ZNF654: variants seen among roughly 807,000 people sequenced by gnomAD.
ZNF654 encodes zinc finger protein 654.
ZNF654 carries 19 observed loss-of-function variants against 95.3 expected under a neutral mutation model. The ratio of observed to expected loss-of-function variants is 0.20; its 90% CI spans 0.14 to 0.29. The LOEUF (loss-of-function observed/expected upper bound fraction) is 0.29, where lower values mean the gene tolerates loss of function less well. ZNF654 is among the 10% of genes least tolerant of loss of function. The pLI, the probability that ZNF654 is intolerant of heterozygous loss-of-function variation, is 1.00. For missense variants in ZNF654, 1,046 were observed against 1,341.0 expected (o/e 0.78, Z 3.44); for synonymous variants, 413 against 457.9 (o/e 0.90, Z 1.25).
rs533925979 is a variant in ZNF654 at position 88,100,258 on chromosome 3, C to G, written c.333-12857C>G. ...CACTGGCTATCAGAGAAATGCAAAT[C>G]AAAACCACAATGAGATACCATCTCA... On this transcript the variant is annotated intron_variant, in intron 2 of 8. Coordinates refer to ENST00000636215, the MANE Select transcript of ZNF654 (RefSeq NM_001350134.2). Among the ~76,000 whole-genome samples the G allele has an allele frequency of 3.9e-5, 6 of 152,258 alleles. No homozygotes were observed. In the South Asian group the frequency reaches 1.0e-3, roughly 26 times the overall value.
intron 3 of ZNF654, among the ~76,000 whole-genome samples, chr3:88,123,126 G>C (rs1705880630): frequency 6.6e-6 from 1 of 152,032 alleles, no homozygotes; most frequent in Admixed American, 6.6e-5. Flanking sequence ...TTCACTTCGA[G>C]GTTTTAAATT....
chr3:88,065,807 A>G (rs1430234021), intron 1 of ZNF654, among the ~76,000 whole-genome samples: 1 of 151,972 alleles, frequency 6.6e-6, no homozygotes, highest in African/African-American at 2.4e-5. Flanking sequence ...GCTCACTGCA[A>G]CCTCCCTGTC....
chr3:88,096,762 G>A (rs4434168), intron 2 of ZNF654, among the ~76,000 whole-genome samples: 118,948 of 151,924 alleles, frequency 0.78, 47,467 homozygotes, highest in South Asian at 0.91. Context: ...TTCGAAAAGT[G>A]TGGCGTATAC....
chr3:88,115,244 C>G (rs780893029), intron 3 of ZNF654, among the ~76,000 whole-genome samples: 4 of 152,052 alleles, frequency 2.6e-5, no homozygotes, highest in Non-Finnish European at 5.9e-5. Flanking sequence ...CTTTGAATAC[C>G]AAGGTATTCT....
At chr3:88,105,293 T>C (rs1283351820) in intron 2 of ZNF654, among the ~76,000 whole-genome samples, 1 of 152,202 alleles carries the variant, frequency 6.6e-6, no homozygotes, top group East Asian at 1.9e-4. Context: ...CTGCTTTTTT[T>C]TACTTAGTAT....
chr3:88,085,341 G>A (rs1708285442), intron 1 of ZNF654, among the ~76,000 whole-genome samples: 1 of 152,162 alleles, frequency 6.6e-6, no homozygotes, highest in Admixed American at 6.5e-5. Flanking sequence ...TACATAAATG[G>A]ATGAACCTGG....
At chr3:88,129,594 T>A in intron 5 of ZNF654, 93 bp from the exon 6 acceptor site, 1 of 1,022,318 alleles carries the variant, frequency 9.8e-7, no homozygotes, top group Admixed American at 3.0e-5. Context: ...ACTAGAAATC[T>A]AAGCAATTTC....
At chr3:88,109,595 A>G (rs1465006905) in intron 2 of ZNF654, among the ~76,000 whole-genome samples, 1 of 152,136 alleles carries the variant, frequency 6.6e-6, no homozygotes, top group South Asian at 2.1e-4. Context: ...ACAGAAATCC[A>G]AAAAAGAGTA....
At chr3:88,066,523 G>A (rs1707207061) in intron 1 of ZNF654, among the ~76,000 whole-genome samples, 1 of 151,930 alleles carries the variant, frequency 6.6e-6, no homozygotes, top group Non-Finnish European at 1.5e-5. Context: ...GCAGTCAGCT[G>A]AGATCTCCAG....
At position 88,097,689 on chromosome 3, in the gene ZNF654, C is replaced by T. The variant is rs1384522981; in HGVS notation, c.332+11287C>T. 4.6e-5 allele frequency among the ~76,000 whole-genome samples: 7 copies of T among 152,204 alleles called. No individual in the cohort carries two copies. The East Asian group carries it at 7.7e-4, about 17-fold the overall frequency. ...CAGGATTAAGAAACTCACTCAAAAC[C>T]GCTCAACTACATGGGAACTGAACAA... On this transcript the variant is annotated intron_variant, in intron 2 of 8. Coordinates refer to ENST00000636215, the MANE Select transcript of ZNF654 (RefSeq NM_001350134.2).
chr3:88,092,029 A>G (rs1703771417), intron 2 of ZNF654, among the ~76,000 whole-genome samples: 2 of 152,240 alleles, frequency 1.3e-5, no homozygotes, highest in Admixed American at 1.3e-4. Context: ...TGTAAGGCAA[A>G]AGAAATATGT....
At chr3:88,073,080 A>G (rs1460108553) in intron 1 of ZNF654, among the ~76,000 whole-genome samples, 2 of 152,210 alleles carry the variant, frequency 1.3e-5, no homozygotes, top group African/African-American at 4.8e-5. Flanking sequence ...CACATTTATG[A>G]ATGGCAGTAG....
chr3:88,093,560 A>C (rs1386369966), intron 2 of ZNF654, among the ~76,000 whole-genome samples: 1 of 152,200 alleles, frequency 6.6e-6, no homozygotes, highest in Admixed American at 6.6e-5. Flanking sequence ...AAGAGAAAAG[A>C]CCAAAGGGTC....
At position 88,139,983 on chromosome 3, in the gene ZNF654, C is replaced by T; in HGVS notation, c.2314C>T (p.Pro772Ser). 2.5e-6 allele frequency: 4 copies of T among 1,613,694 alleles called. No homozygotes were observed. Among genetic ancestry groups the T allele is most frequent in the Non-Finnish European group, 3.4e-6 (4 of 1,179,772 alleles). Reference protein sequence around the residue: ...FLNKHAMTVHPTDLNVRQTVM... With the variant: ...FLNKHAMTVHSTDLNVRQTVM... ...AAATAAACATGCAATGACCGTACAT[C>T]CAACCGATTTAAATGTGCGACAAAC... The change falls in exon 8 of 9, where the codon CCA becomes TCA. Residue 772 changes from proline to serine, a missense_variant. Coordinates refer to ENST00000636215, the MANE Select transcript of ZNF654 (RefSeq NM_001350134.2).
At chr3:88,070,547 A>G (rs1291982350) in intron 1 of ZNF654, among the ~76,000 whole-genome samples, 4 of 149,282 alleles carry the variant, frequency 2.7e-5, no homozygotes, top group African/African-American at 1.0e-4. Flanking sequence ...CCACTGTGGC[A>G]AAGGCAACAC....
chr3:88,104,416 G>A (rs1576286261), intron 2 of ZNF654, among the ~76,000 whole-genome samples: 2 of 152,138 alleles, frequency 1.3e-5, no homozygotes, highest in Non-Finnish European at 2.9e-5. Context: ...TAGCAAGAAA[G>A]CAGCCATAAA....
At chr3:88,082,004 A>G (rs1003262387) in intron 1 of ZNF654, among the ~76,000 whole-genome samples, 15 of 152,226 alleles carry the variant, frequency 9.9e-5, no homozygotes, top group African/African-American at 3.4e-4. Flanking sequence ...AAAATTAGCA[A>G]ACTTATCAAT....
Position 88,143,793 on chromosome 3 carries a change from T to C in ZNF654, c.*2141T>C, listed in dbSNP as rs776863404. 15 of 152,100 alleles carry C rather than the reference T, an allele frequency of 9.9e-5. No homozygotes were observed. The highest frequency in any genetic ancestry group is 1.6e-4 in the Non-Finnish European group (11 of 67,784). 9.4% of individuals were successfully genotyped at this position (152,100 alleles called of 1,614,324 possible). A position where few individuals can be genotyped will look rare whatever the true frequency, so the allele number is the denominator to read the frequency against. The stretch of plus-strand genomic sequence containing the variant: ...ATATATAACTAAATCAAGGAATGTT[T>C]TATAAAATTCTATTTGACCACACTG... On this transcript the variant is annotated 3_prime_UTR_variant, in exon 9 of 9. Transcript: ENST00000636215.
intron 1 of ZNF654, among the ~76,000 whole-genome samples, chr3:88,067,470 A>G (rs1707264724): frequency 6.6e-6 from 1 of 152,162 alleles, no homozygotes; most frequent in South Asian, 2.1e-4. Context: ...ATAGGGAGAG[A>G]AAGTAGACTA....
Sources: allele counts gnomAD v4.1 joint callset (sites outside exome capture counted in the v4.1 genomes callset), GRCh38; gene constraint gnomAD v4.1.1; transcripts MANE v1.5; gene names NCBI Gene and HGNC (gene_info 2026-07-23, HGNC 2026-07-21).